ADAMTS17: variants seen among roughly 807,000 people sequenced by gnomAD.
ADAMTS17 encodes A disintegrin and metalloproteinase with thrombospondin motifs 17.
Under a neutral mutation model 141.5 loss-of-function variants are expected in ADAMTS17, and 113 were observed. That is an observed-to-expected ratio of 0.80 (90% CI 0.69 to 0.93). The LOEUF is 0.93. Among genes scored for constraint, ADAMTS17 ranks in the 40% least tolerant of loss-of-function variants. The pLI, the probability that ADAMTS17 is intolerant of heterozygous loss-of-function variation, is 0.00. For synonymous variants in ADAMTS17, 768 were observed against 630.6 expected, an observed-to-expected ratio of 1.22 and a Z score of -3.27; for missense variants, 1,659 against 1,517.9, an observed-to-expected ratio of 1.09 and a Z score of -1.54.
intron 15 of ADAMTS17, among the ~76,000 whole-genome samples, chr15:100,072,188 C>T (rs1203299042): frequency 6.7e-6 from 1 of 148,822 alleles, no homozygotes; most frequent in East Asian, 2.0e-4. Context: ...ACCTAGGAAT[C>T]CAACTTACAA....
intron 7 of ADAMTS17, among the ~76,000 whole-genome samples, chr15:100,210,058 C>A (rs747882743): frequency 2.0e-5 from 3 of 151,742 alleles, no homozygotes; most frequent in Non-Finnish European, 2.9e-5. Flanking sequence ...CACGGTGAAA[C>A]CCCGTCTCTA....
At chr15:100,135,379 G>C (rs891525932) in intron 10 of ADAMTS17, among the ~76,000 whole-genome samples, 5 of 151,820 alleles carry the variant, frequency 3.3e-5, no homozygotes, top group Non-Finnish European at 7.4e-5. Context: ...CGCCTCCCAG[G>C]TTCACGCCAT....
chr15:100,257,890 T>A (rs56410148), intron 6 of ADAMTS17, among the ~76,000 whole-genome samples: 1 of 152,198 alleles, frequency 6.6e-6, no homozygotes, highest in African/African-American at 2.4e-5. Context: ...CGAAACTCTG[T>A]ACCCATGAAA....
intron 6 of ADAMTS17, among the ~76,000 whole-genome samples, chr15:100,256,095 G>A (rs1355643326): frequency 6.6e-6 from 1 of 152,222 alleles, no homozygotes; most frequent in African/African-American, 2.4e-5. Context: ...CAGGGAACCT[G>A]GCTCTGTTCC....
intron 10 of ADAMTS17, among the ~76,000 whole-genome samples, chr15:100,135,166 C>G (rs765418758): frequency 1.3e-5 from 2 of 149,096 alleles, no homozygotes; most frequent in Admixed American, 6.6e-5. Context: ...TCTCATGAAA[C>G]TTTTCTAACC....
chr15:100,027,658 A>G (rs932254991), intron 18 of ADAMTS17, among the ~76,000 whole-genome samples: 95 of 152,360 alleles, frequency 6.2e-4, no homozygotes, highest in African/African-American at 2.3e-3. Flanking sequence ...AAAATATTTA[A>G]TATCTGTCTT....
chr15:99,991,362 A>C (rs1471923587), intron 20 of ADAMTS17, among the ~76,000 whole-genome samples: 3 of 152,268 alleles, frequency 2.0e-5, no homozygotes, highest in Non-Finnish European at 4.4e-5. Context: ...TGGGTGAAGG[A>C]TATGAACAGA....
chr15:100,191,867 C>G (rs536900327), intron 8 of ADAMTS17, among the ~76,000 whole-genome samples: 2 of 151,550 alleles, frequency 1.3e-5, no homozygotes, highest in Non-Finnish European at 2.9e-5. Context: ...TCCACAGTCG[C>G]AAGCTCATTC....
chr15:99,974,634 G>A (rs1182754174), intron 21 of ADAMTS17, 72 bp from the exon 22 acceptor site: 4 of 1,596,746 alleles, frequency 2.5e-6, no homozygotes, highest in African/African-American at 1.3e-5. Context: ...GCACAGGGAG[G>A]GCTTGTGGTC....
rs112458624 is a variant in ADAMTS17 at position 100,130,766 on chromosome 15, T to C, written c.1721+1241A>G. The stretch of plus-strand genomic sequence containing the variant: ...ATTTAGAACTTGCTCGTTTTCAAAA[T>C]TGATGTGCTGCAACTGCTGACACAC... On this transcript the variant is annotated intron_variant, in intron 12 of 21. Coordinates refer to ENST00000268070, the MANE Select transcript of ADAMTS17 (RefSeq NM_139057.4). Among the ~76,000 whole-genome samples the C allele has an allele frequency of 5.8e-4, 89 of 152,320 alleles. 2 individuals are homozygous for C. The highest frequency in any genetic ancestry group is 1.8e-3 in the African/African-American group (76 of 41,574).
chr15:100,160,064 T>C (rs1392008389), intron 8 of ADAMTS17, among the ~76,000 whole-genome samples: 2 of 151,486 alleles, frequency 1.3e-5, no homozygotes, highest in Non-Finnish European at 3.0e-5. Flanking sequence ...GGCCCCCCAG[T>C]AAAGAGGGTC....
At chr15:100,303,212 T>C (rs2045105515) in intron 3 of ADAMTS17, among the ~76,000 whole-genome samples, 1 of 147,232 alleles carries the variant, frequency 6.8e-6, no homozygotes, top group Admixed American at 6.8e-5. Context: ...ATATAATATA[T>C]ATGTAACATA....
At chr15:100,033,587 G>T (rs999108683) in intron 18 of ADAMTS17, among the ~76,000 whole-genome samples, 2 of 152,178 alleles carry the variant, frequency 1.3e-5, no homozygotes, top group African/African-American at 4.8e-5. Flanking sequence ...CTGGTGAGAG[G>T]TGAGAACACC....
At chr15:100,302,548 C>T (rs7174778) in intron 3 of ADAMTS17, among the ~76,000 whole-genome samples, 29,914 of 152,142 alleles carry the variant, frequency 0.2, 3,704 homozygotes, top group South Asian at 0.38. Flanking sequence ...ATTCGAAATC[C>T]TTGCCAACAT....
chr15:100,286,404 C>G (rs982943893), intron 3 of ADAMTS17, among the ~76,000 whole-genome samples: 4 of 152,182 alleles, frequency 2.6e-5, no homozygotes, highest in African/African-American at 9.7e-5. Flanking sequence ...CTATGAAGTA[C>G]TGTGGCCAGC....
At chr15:100,037,433 C>G (rs12232371) in intron 18 of ADAMTS17, among the ~76,000 whole-genome samples, 92,493 of 149,822 alleles carry the variant, frequency 0.62, 30,776 homozygotes, top group Non-Finnish European at 0.76. Flanking sequence ...CTTTTTGAGA[C>G]AGAGTCTCAC....
chr15:100,001,015 T>C (rs1000892620), intron 18 of ADAMTS17, among the ~76,000 whole-genome samples: 9 of 152,046 alleles, frequency 5.9e-5, no homozygotes, highest in African/African-American at 2.2e-4. Context: ...ATAGACCTTA[T>C]GCCTGCTGGG....
chr15:100,308,146 C>T (rs1056117647), intron 3 of ADAMTS17, among the ~76,000 whole-genome samples: 2 of 152,178 alleles, frequency 1.3e-5, no homozygotes, highest in African/African-American at 2.4e-5. Flanking sequence ...AAACATCATA[C>T]CCCTGGAGCA....
chr15:100,267,407 G>A (rs752786033), intron 4 of ADAMTS17, among the ~76,000 whole-genome samples: 28 of 152,138 alleles, frequency 1.8e-4, no homozygotes, highest in South Asian at 4.1e-4. Context: ...TTTTGCCATC[G>A]TTCGGCCATT....
Sources: gnomAD v4.1 joint callset for allele counts (sites outside exome capture counted in the v4.1 genomes callset) on GRCh38, gnomAD v4.1.1 for gene constraint, MANE v1.5 for transcripts, NCBI Gene and HGNC (gene_info 2026-07-23, HGNC 2026-07-21) for gene names.